Variants in GRM5 observed in about 807,000 individuals in gnomAD.
GRM5 encodes the protein metabotropic glutamate receptor 5.
GRM5 carries 19 observed loss-of-function variants against 83.1 expected under a neutral mutation model. The observed-to-expected ratio is 0.23, with a 90% confidence interval of 0.16 to 0.34. The LOEUF is 0.34. Ranked by LOEUF, GRM5 falls within the 10% of genes least tolerant of loss-of-function variation. The pLI is 1.00. For missense variants in GRM5, 1,160 were observed against 1,588.3 expected, an observed-to-expected ratio of 0.73 and a Z score of 4.58; for synonymous variants, 675 against 633.6, an observed-to-expected ratio of 1.07 and a Z score of -0.98.
At chr11:88,604,575 C>G (rs1938089624) in intron 5 of GRM5, 143 bp downstream of exon 5, 1 of 705,042 alleles carries the variant, frequency 1.4e-6, no homozygotes, top group Non-Finnish European at 2.3e-6. Flanking sequence ...TTCTCTCTAT[C>G]TTTGCTCATT....
chr11:89,009,924 A>AC (rs1940648295), intron 2 of GRM5, among the ~76,000 whole-genome samples: 4 of 144,564 alleles, frequency 2.8e-5, no homozygotes, highest in African/African-American at 7.7e-5. Context: ...AAAAAAAAAA[A>AC]AAAAAACACA....
At chr11:89,056,390 TCAC>T (rs1428692299) in intron 1 of GRM5, among the ~76,000 whole-genome samples, 2 of 152,142 alleles carry the variant, frequency 1.3e-5, no homozygotes, top group African/African-American at 4.8e-5. Context: ...CTGTGCAACG[TCAC>T]CACAAGATTC....
rs374250823 is a variant in GRM5, at chr11:88,971,222, A to G, written c.661+75990T>C. ...AGTTAAAATTAAAATATAAAAACAT[A>G]TAGATATACACATATGTGCATATTA... is the stretch of plus-strand genomic sequence containing the variant. On this transcript the variant is annotated intron_variant, in intron 2 of 9. Coordinates refer to ENST00000305447, the MANE Select transcript of GRM5 (RefSeq NM_001143831.3). 9.2e-5 allele frequency among the ~76,000 whole-genome samples: 14 copies of G among 152,328 alleles called. 1 individual carries two copies. The East Asian group carries it at 2.5e-3, about 27-fold the overall frequency.
intron 2 of GRM5, among the ~76,000 whole-genome samples, chr11:89,030,848 G>C (rs1412113580): frequency 2.2e-4 from 34 of 152,032 alleles, no homozygotes; most frequent in Non-Finnish European, 4.0e-4. Flanking sequence ...TAGTTTACAT[G>C]CGTATTTGAC....
chr11:88,542,775 G>A (rs1412313391), intron 8 of GRM5, among the ~76,000 whole-genome samples: 1 of 152,086 alleles, frequency 6.6e-6, no homozygotes, highest in Non-Finnish European at 1.5e-5. Context: ...TCATGGTAAA[G>A]ATAATAACAC....
At chr11:88,546,709 G>A (rs1942392755) in intron 8 of GRM5, among the ~76,000 whole-genome samples, 1 of 152,022 alleles carries the variant, frequency 6.6e-6, no homozygotes, top group South Asian at 2.1e-4. Context: ...GATGCGTGGG[G>A]ATAAATTTCA....
intron 3 of GRM5, among the ~76,000 whole-genome samples, chr11:88,844,242 A>T (rs541675857): frequency 5.1e-4 from 77 of 152,188 alleles, no homozygotes; most frequent in South Asian, 1.2e-3. Flanking sequence ...GAAACTTATG[A>T]ATTATGTTAC....
At chr11:88,522,913 G>C (rs1450673219) in intron 9 of GRM5, 1 of 152,140 alleles carries the variant, frequency 6.6e-6, no homozygotes, top group Non-Finnish European at 1.5e-5. Context: ...CATTCTTGCT[G>C]GAGATACATC....
At chr11:88,941,045 A>G (rs1938071900) in intron 2 of GRM5, among the ~76,000 whole-genome samples, 1 of 151,912 alleles carries the variant, frequency 6.6e-6, no homozygotes, top group Admixed American at 6.6e-5. Flanking sequence ...AAACACTCCA[A>G]ACTTAGATCT....
chr11:88,645,675 T>A (rs937471242), intron 4 of GRM5, among the ~76,000 whole-genome samples: 3 of 152,108 alleles, frequency 2.0e-5, no homozygotes, highest in Non-Finnish European at 4.4e-5. Context: ...CCTTTGAAAC[T>A]AATTTTTAGT....
At chr11:88,948,190 TC>T (rs1338388040) in intron 2 of GRM5, among the ~76,000 whole-genome samples, 1 of 152,240 alleles carries the variant, frequency 6.6e-6, no homozygotes, top group East Asian at 1.9e-4. Context: ...AAGCTGCTTT[TC>T]TGTATGTTAA....
chr11:89,050,663 C>T (rs1941737130), intron 1 of GRM5, among the ~76,000 whole-genome samples: 1 of 152,156 alleles, frequency 6.6e-6, no homozygotes, highest in Admixed American at 6.5e-5. Context: ...AAGACACATG[C>T]TCATTGCAAC....
At chr11:88,546,187 A>T (rs1003854881) in intron 8 of GRM5, among the ~76,000 whole-genome samples, 1 of 151,948 alleles carries the variant, frequency 6.6e-6, no homozygotes, top group Non-Finnish European at 1.5e-5. Flanking sequence ...GTATCTAAAC[A>T]TATCTAAAAT....
chr11:88,543,075 G>T (rs776477215), intron 8 of GRM5, among the ~76,000 whole-genome samples: 6 of 152,008 alleles, frequency 3.9e-5, no homozygotes, highest in Non-Finnish European at 8.8e-5. Flanking sequence ...TTCAAAAAAG[G>T]TTAATAACAC....
At chr11:88,927,131 T>C (rs1337964110) in intron 2 of GRM5, among the ~76,000 whole-genome samples, 1 of 152,104 alleles carries the variant, frequency 6.6e-6, no homozygotes, top group East Asian at 1.9e-4. Context: ...CTGGGGTGGT[T>C]TGGATGAACT....
intron 3 of GRM5, among the ~76,000 whole-genome samples, chr11:88,754,977 C>T (rs1942365919): frequency 6.8e-6 from 1 of 147,002 alleles, no homozygotes; most frequent in African/African-American, 2.4e-5. Context: ...TTCTGTAGGC[C>T]TTGCTCTCCT....
intron 3 of GRM5, among the ~76,000 whole-genome samples, chr11:88,775,508 T>C (rs1942828574): frequency 6.6e-6 from 1 of 152,192 alleles, no homozygotes; most frequent in Non-Finnish European, 1.5e-5. Context: ...CTCTTGCTTC[T>C]CTAGTTCTTT....
intron 2 of GRM5, among the ~76,000 whole-genome samples, chr11:88,963,086 T>C (rs1938833664): frequency 6.6e-6 from 1 of 152,050 alleles, no homozygotes; most frequent in Non-Finnish European, 1.5e-5. Flanking sequence ...CAAGGCTCTG[T>C]CTCAAAACAA....
At chr11:88,995,395 A>C (rs1356895481) in intron 2 of GRM5, among the ~76,000 whole-genome samples, 7 of 151,900 alleles carry the variant, frequency 4.6e-5, no homozygotes, top group Non-Finnish European at 1.0e-4. Flanking sequence ...AATACAAAAA[A>C]TTAGCCGGGC....
Sources: gnomAD v4.1 joint callset for allele counts (sites outside exome capture counted in the v4.1 genomes callset) on GRCh38, gnomAD v4.1.1 for gene constraint, MANE v1.5 for transcripts, NCBI Gene and HGNC (gene_info 2026-07-23, HGNC 2026-07-21) for gene names.